The following C12orf75 variants were observed in gnomAD, a reference collection of about 807,000 sequenced individuals.
C12orf75 encodes the protein chromosome 12 open reading frame 75.
A neutral mutation model predicts 11.4 loss-of-function variants in C12orf75; 4 were observed. The ratio of observed to expected loss-of-function variants is 0.35; its 90% CI spans 0.17 to 0.80. The LOEUF (loss-of-function observed/expected upper bound fraction) is 0.80. Among genes scored for constraint, C12orf75 ranks in the 30% least tolerant of loss-of-function variants. The probability of loss-of-function intolerance (pLI) is 0.52; values close to 1 mark genes in which losing one functional copy is unlikely to be tolerated. For missense variants in C12orf75, 89 were observed against 80.4 expected, an observed-to-expected ratio of 1.11 and a Z score of -0.41; for synonymous variants, 30 against 30.0, an observed-to-expected ratio of 1.00 and a Z score of 0.00.
chr12:105,370,659 T>G lies in C12orf75; in HGVS notation c.*59T>G. 1 of 457,642 alleles carries G rather than the reference T, an allele frequency of 2.2e-6. No homozygotes were observed. Among genetic ancestry groups the G allele is most frequent in the Non-Finnish European group, 4.4e-6 (1 of 226,796 alleles). The allele number at this position is 457,642 out of a possible 1,614,324, so 28.3% of individuals were successfully genotyped here. A position where few individuals can be genotyped will look rare whatever the true frequency, so the allele number is the denominator to read the frequency against. On this transcript the variant is annotated 3_prime_UTR_variant, in exon 6 of 6. Coordinates refer to ENST00000443585, the MANE Select transcript of C12orf75 (RefSeq NM_001145199.2). ...CTTGCTCATCAGTTTGGAAGGAATT[T>G]GGCTCCGTGGGACGTTGTAATGTGC...
intron 2 of C12orf75, among the ~76,000 whole-genome samples, chr12:105,350,027 G>A (rs947008179): frequency 6.6e-6 from 1 of 152,204 alleles, no homozygotes; most frequent in Non-Finnish European, 1.5e-5. Context: ...AGCAGTAATT[G>A]ATGGCTTCTA....
At chr12:105,367,562 G>A in intron 5 of C12orf75, 53 bp downstream of exon 5, 1 of 452,358 alleles carries the variant, frequency 2.2e-6, no homozygotes, top group Non-Finnish European at 4.1e-6. Flanking sequence ...TTGATGAATG[G>A]ACTGTAGATA....
intron 5 of C12orf75, among the ~76,000 whole-genome samples, chr12:105,369,023 C>T (rs1202385599): frequency 6.6e-6 from 1 of 152,090 alleles, no homozygotes; most frequent in Non-Finnish European, 1.5e-5. Context: ...TAAGTTGAAA[C>T]CAAGAATATA....
At position 105,366,716 on chromosome 12, in the gene C12orf75, G is replaced by C. The variant is rs1213080565; in HGVS notation, c.187+20G>C. 1 of 1,296,482 alleles carries C rather than the reference G, an allele frequency of 7.7e-7. No homozygotes were observed. The highest frequency in any genetic ancestry group is 1.3e-5 in the South Asian group (1 of 76,264). 80.3% of individuals were successfully genotyped at this position (1,296,482 alleles called of 1,614,324 possible). Reference sequence around the variant, plus strand: ...GGAAAAGTAAGTGAAATCATGTGCTGTTGATTTTCCCTAATTATTTATTTT... The same window carrying C: ...GGAAAAGTAAGTGAAATCATGTGCTCTTGATTTTCCCTAATTATTTATTTT... On this transcript the variant is annotated intron_variant, in intron 4 of 5. Transcript: ENST00000443585.
At chr12:105,331,698 G>A (rs770926332) in intron 1 of C12orf75, among the ~76,000 whole-genome samples, 14 of 151,964 alleles carry the variant, frequency 9.2e-5, no homozygotes, top group Non-Finnish European at 1.9e-4. Flanking sequence ...GGCCAGCCAG[G>A]CTTTGTGTCA....
chr12:105,334,175 A>G (rs762837184), intron 1 of C12orf75, among the ~76,000 whole-genome samples: 6 of 152,228 alleles, frequency 3.9e-5, no homozygotes, highest in Non-Finnish European at 8.8e-5. Flanking sequence ...GTATGTTTCT[A>G]TTAATAACTG....
chr12:105,370,323 G>C (rs1328037530), intron 5 of C12orf75, among the ~76,000 whole-genome samples: 4 of 152,148 alleles, frequency 2.6e-5, no homozygotes, highest in Admixed American at 2.6e-4. Flanking sequence ...AATTGTGACC[G>C]AACAGTCTCT....
intron 2 of C12orf75, among the ~76,000 whole-genome samples, chr12:105,362,722 C>A (rs892840829): frequency 2.0e-5 from 3 of 151,616 alleles, no homozygotes; most frequent in African/African-American, 7.3e-5. Flanking sequence ...GCATGTTTCT[C>A]TAATGCAAAT....
At position 105,370,681 on chromosome 12, in the gene C12orf75, G is replaced by T; in HGVS notation, c.*81G>T. The T allele has an allele frequency of 2.2e-6, 1 of 457,622 alleles. No individual in the cohort carries two copies. The highest frequency in any genetic ancestry group is 1.5e-5 in the South Asian group (1 of 64,558). The allele number at this position is 457,622 out of a possible 1,614,324, so 28.3% of individuals were successfully genotyped here. A position where few individuals can be genotyped will look rare whatever the true frequency, so the allele number is the denominator to read the frequency against. ...ATTTGGCTCCGTGGGACGTTGTAAT[G>T]TGCACAGACATTTCCAAGGAAATTC... On this transcript the variant is annotated 3_prime_UTR_variant, in exon 6 of 6. Transcript: ENST00000443585.
chr12:105,349,101 A>T (rs1349225907), intron 2 of C12orf75, among the ~76,000 whole-genome samples: 1 of 152,230 alleles, frequency 6.6e-6, no homozygotes, highest in African/African-American at 2.4e-5. Flanking sequence ...GTCACCATTG[A>T]GCTATCTTTA....
In C12orf75 at chr12:105,366,681, A is replaced by G; in HGVS notation, c.172A>G (p.Lys58Glu). The change falls in exon 4 of 6, where the codon AAG becomes GAG. Residue 58 changes from lysine to glutamate, a missense_variant. Lys to Glu is a moderately conservative substitution (Grantham distance 56, BLOSUM62 1). Transcript: ENST00000443585. ...EAVNMVSSQT[K>E]TVRKN Reference sequence around the variant, plus strand: ...TGTCAATATGGTGTCCAGTCAAACAAAGACGGTTCGGAAAAGTAAGTGAAA... The same window carrying G: ...TGTCAATATGGTGTCCAGTCAAACAGAGACGGTTCGGAAAAGTAAGTGAAA... The G allele has an allele frequency of 1.3e-6, 2 of 1,533,698 alleles. No individual in the cohort carries two copies. Among genetic ancestry groups the G allele is most frequent in the Non-Finnish European group, 1.8e-6 (2 of 1,131,048 alleles).
intron 2 of C12orf75, among the ~76,000 whole-genome samples, chr12:105,359,723 A>C (rs1392786066): frequency 6.6e-6 from 1 of 150,462 alleles, no homozygotes; most frequent in Non-Finnish European, 1.5e-5. Flanking sequence ...GTGAACTGAG[A>C]TCACACCACT....
intron 1 of C12orf75, among the ~76,000 whole-genome samples, chr12:105,340,281 C>T (rs572594975): frequency 4.9e-4 from 74 of 151,598 alleles, no homozygotes; most frequent in Non-Finnish European, 6.8e-4. Context: ...AAAAATTAGC[C>T]GGGCGTGGTG....
intron 1 of C12orf75, among the ~76,000 whole-genome samples, chr12:105,346,482 A>G (rs912218567): frequency 6.6e-6 from 1 of 152,174 alleles, no homozygotes; most frequent in Non-Finnish European, 1.5e-5. Context: ...TTTTTCTATC[A>G]AAAACACTCT....
chr12:105,338,483 T>C (rs1455863615), intron 1 of C12orf75, among the ~76,000 whole-genome samples: 1 of 152,146 alleles, frequency 6.6e-6, no homozygotes, highest in Non-Finnish European at 1.5e-5. Context: ...CATTTTTTGG[T>C]TTTTACTTGC....
chr12:105,369,403 C>G (rs1348441604), intron 5 of C12orf75, among the ~76,000 whole-genome samples: 1 of 151,992 alleles, frequency 6.6e-6, no homozygotes, highest in East Asian at 1.9e-4. Flanking sequence ...TTAACTCTTT[C>G]TTTTTTTTCT....
At chr12:105,355,174 C>CTTTTTTT (rs1252177261) in intron 2 of C12orf75, among the ~76,000 whole-genome samples, 2 of 75,572 alleles carry the variant, frequency 2.6e-5, no homozygotes, top group African/African-American at 7.6e-5. Flanking sequence ...TTTTCTTTTT[C>CTTTTTTT]TTTTTCTTTT....
intron 2 of C12orf75, among the ~76,000 whole-genome samples, chr12:105,352,551 G>GT (rs1892725297): frequency 6.6e-6 from 1 of 151,692 alleles, no homozygotes. Flanking sequence ...GTGTTTTTTG[G>GT]TTGTTTCTGC....
Position 105,342,911 on chromosome 12 carries a change from C to T in C12orf75, c.47-5691C>T, listed in dbSNP as rs1376869224. On this transcript the variant is annotated intron_variant, in intron 1 of 5. Transcript: ENST00000443585. ...ATGCATTTTTAATTAACTGAGACTTCTGTCATTGAGACTGATGAATAAAAT... is the reference window on the plus strand; with the variant it reads ...ATGCATTTTTAATTAACTGAGACTTTTGTCATTGAGACTGATGAATAAAAT... 2.6e-5 allele frequency among the ~76,000 whole-genome samples: 4 copies of T among 152,180 alleles called. No individual in the cohort carries two copies. The East Asian group carries it at 7.7e-4, about 29-fold the overall frequency.
Sources: allele counts gnomAD v4.1 joint callset (sites outside exome capture counted in the v4.1 genomes callset), GRCh38; gene constraint gnomAD v4.1.1; transcripts MANE v1.5; gene names NCBI Gene and HGNC (gene_info 2026-07-23, HGNC 2026-07-21).